Variants in HPSE2 observed in about 807,000 individuals in gnomAD.
The protein encoded by HPSE2 is heparanase 2 (inactive), also known as inactive heparanase-2.
Under a neutral mutation model 60.5 loss-of-function variants are expected in HPSE2, and 38 were observed. The observed-to-expected ratio is 0.63, with a 90% confidence interval of 0.48 to 0.82. HPSE2 has a LOEUF of 0.82. HPSE2 is among the 40% of genes least tolerant of loss of function. The probability of loss-of-function intolerance (pLI) is 0.00; values close to 1 mark genes in which losing one functional copy is unlikely to be tolerated. For missense variants in HPSE2, 713 were observed against 740.4 expected (o/e 0.96, Z 0.43); for synonymous variants, 295 against 293.2 (o/e 1.01, Z -0.06).
At chr10:99,232,835 C>A (rs1221533027) in intron 1 of HPSE2, among the ~76,000 whole-genome samples, 1 of 152,272 alleles carries the variant, frequency 6.6e-6, no homozygotes, top group Non-Finnish European at 1.5e-5. Flanking sequence ...GTGCTACGAG[C>A]ACGGCGCTAA....
intron 9 of HPSE2, among the ~76,000 whole-genome samples, chr10:98,603,469 C>G: frequency 6.9e-6 from 1 of 144,460 alleles, no homozygotes; most frequent in Non-Finnish European, 1.5e-5. Flanking sequence ...CTTGCTCTGT[C>G]GCCAGGCTGG....
intron 3 of HPSE2, among the ~76,000 whole-genome samples, chr10:99,096,976 G>T (rs1474450976): frequency 6.6e-6 from 1 of 152,142 alleles, no homozygotes; most frequent in Non-Finnish European, 1.5e-5. Context: ...GGACCACTAG[G>T]TCCTGACAAA....
chr10:98,594,024 C>T (rs1945162171), intron 9 of HPSE2, among the ~76,000 whole-genome samples: 1 of 151,794 alleles, frequency 6.6e-6, no homozygotes, highest in Admixed American at 6.6e-5. Context: ...TTTAAATTGA[C>T]AAATAAAAAT....
chr10:98,701,590 T>C (rs112854797), intron 5 of HPSE2, among the ~76,000 whole-genome samples: 15 of 151,544 alleles, frequency 9.9e-5, no homozygotes, highest in Non-Finnish European at 2.1e-4. Context: ...TGTATACATA[T>C]GTAACTAACC....
intron 4 of HPSE2, among the ~76,000 whole-genome samples, chr10:98,723,920 T>G (rs553580515): frequency 1.3e-5 from 2 of 152,354 alleles, no homozygotes; most frequent in East Asian, 1.9e-4. Flanking sequence ...AACCAGCTCC[T>G]GGATTCACTG....
intron 3 of HPSE2, among the ~76,000 whole-genome samples, chr10:98,768,809 C>T (rs1268750592): frequency 3.3e-5 from 5 of 152,244 alleles, no homozygotes; most frequent in South Asian, 2.1e-4. Flanking sequence ...CCCAGCACTT[C>T]GGGATGTTGA....
At chr10:99,259,778 G>A in the HPSE2 span, among the ~76,000 whole-genome samples, 2 of 152,192 alleles carry the variant, frequency 1.3e-5, no homozygotes, top group African/African-American at 4.8e-5. Context: ...AGCAACAGGT[G>A]AGCAAGCATT....
intron 2 of HPSE2, among the ~76,000 whole-genome samples, chr10:99,152,775 A>G (rs1046762020): frequency 1.3e-5 from 2 of 152,242 alleles, no homozygotes; most frequent in South Asian, 2.1e-4. Flanking sequence ...GAACAGCTCC[A>G]GTCTACAGCT....
At chr10:99,138,813 G>A (rs1589718366) in intron 3 of HPSE2, among the ~76,000 whole-genome samples, 1 of 152,268 alleles carries the variant, frequency 6.6e-6, no homozygotes, top group East Asian at 1.9e-4. Context: ...GATGGGTGGA[G>A]CAAGCCGCCA....
chr10:98,913,262 C>T (rs1191797177), intron 3 of HPSE2, among the ~76,000 whole-genome samples: 1 of 151,998 alleles, frequency 6.6e-6, no homozygotes, highest in African/African-American at 2.4e-5. Context: ...GTAGTGAAAC[C>T]TCCAGTAGCC....
At chr10:98,701,904 T>G (rs1051497858) in intron 5 of HPSE2, among the ~76,000 whole-genome samples, 2 of 152,118 alleles carry the variant, frequency 1.3e-5, no homozygotes, top group Non-Finnish European at 2.9e-5. Context: ...CATCAACAAG[T>G]GTGCAAAATA....
intron 3 of HPSE2, among the ~76,000 whole-genome samples, chr10:98,936,701 C>A (rs1224377941): frequency 7.0e-6 from 1 of 143,052 alleles, no homozygotes; most frequent in Non-Finnish European, 1.5e-5. Context: ...AAAGTTTTGG[C>A]CAGGTGCGGT....
intron 3 of HPSE2, among the ~76,000 whole-genome samples, chr10:99,110,484 A>G (rs1023247500): frequency 6.6e-6 from 1 of 152,312 alleles, no homozygotes; most frequent in Admixed American, 6.5e-5. Context: ...ACTTTGGAGA[A>G]GTAAGACTCA....
At chr10:98,534,762 A>T (rs1943231507) in intron 9 of HPSE2, among the ~76,000 whole-genome samples, 1 of 152,244 alleles carries the variant, frequency 6.6e-6, no homozygotes, top group Non-Finnish European at 1.5e-5. Flanking sequence ...CCAGCTTAGC[A>T]CTAACAGGTA....
intron 3 of HPSE2, among the ~76,000 whole-genome samples, chr10:98,821,550 G>A (rs542203461): frequency 6.6e-6 from 1 of 152,168 alleles, no homozygotes; most frequent in African/African-American, 2.4e-5. Flanking sequence ...CTGCACTGCT[G>A]ATGGCTACTT....
chr10:98,833,766 G>T (rs1951733483), intron 3 of HPSE2, among the ~76,000 whole-genome samples: 1 of 151,992 alleles, frequency 6.6e-6, no homozygotes, highest in Non-Finnish European at 1.5e-5. Flanking sequence ...TTCATCCAAG[G>T]GGAAGCATGT....
At chr10:98,473,546 G>GAA (rs1564903150) in intron 11 of HPSE2, among the ~76,000 whole-genome samples, 8 of 147,052 alleles carry the variant, frequency 5.4e-5, no homozygotes, top group African/African-American at 1.8e-4. Flanking sequence ...AAGAAAGAAA[G>GAA]AGAGGAAGAG....
At chr10:98,550,099 G>C (rs1423841071) in intron 9 of HPSE2, among the ~76,000 whole-genome samples, 1 of 152,178 alleles carries the variant, frequency 6.6e-6, no homozygotes. Context: ...ACTTACTCCT[G>C]TTGGTATCTC....
At chr10:98,740,387 G>A (rs1949469137) in intron 4 of HPSE2, among the ~76,000 whole-genome samples, 1 of 151,964 alleles carries the variant, frequency 6.6e-6, no homozygotes, top group South Asian at 2.1e-4. Flanking sequence ...TGCTGTGGCT[G>A]GTCTCAAACT....
Sources: gnomAD v4.1 joint callset for allele counts (sites outside exome capture counted in the v4.1 genomes callset) on GRCh38, gnomAD v4.1.1 for gene constraint, MANE v1.5 for transcripts, NCBI Gene and HGNC (gene_info 2026-07-23, HGNC 2026-07-21) for gene names.